Variants in KLHL13 observed in about 807,000 individuals in gnomAD.
The protein encoded by KLHL13 is kelch-like protein 13.
Under a neutral mutation model 37.1 loss-of-function variants are expected in KLHL13, and 10 were observed. That is an observed-to-expected ratio of 0.27 (90% confidence interval 0.17 to 0.46). The LOEUF is 0.46. Among genes scored for constraint, KLHL13 ranks in the 20% least tolerant of loss-of-function variants. The pLI, the probability that KLHL13 is intolerant of heterozygous loss-of-function variation, is 1.00. For synonymous variants in KLHL13, 163 were observed against 181.2 expected (o/e 0.90, Z 0.81); for missense variants, 360 against 509.3 (o/e 0.71, Z 2.82).
At chrX:118,046,285 G>C (rs2054558875) in intron 1 of KLHL13, among the ~76,000 whole-genome samples, 1 of 111,985 alleles carries the variant, frequency 8.9e-6, no homozygotes, top group Non-Finnish European at 1.9e-5. Context: ...AATAAGCCAG[G>C]CACAGAAAGA....
chrX:117,974,710 T>C (rs1391057147), upstream of KLHL13, among the ~76,000 whole-genome samples: 2 of 111,864 alleles, frequency 1.8e-5, no homozygotes, highest in Non-Finnish European at 3.8e-5. Context: ...AACATATATG[T>C]ACATGCAGTA....
chrX:118,026,242 C>A (rs188654953), intron 1 of KLHL13, among the ~76,000 whole-genome samples: 1 of 111,714 alleles, frequency 9.0e-6, no homozygotes, highest in Non-Finnish European at 1.9e-5. Context: ...AACACAAATA[C>A]TACATTTTCA....
intron 1 of KLHL13, among the ~76,000 whole-genome samples, chrX:118,069,149 C>CACACACACACACA (rs1569308000): frequency 1.2e-5 from 1 of 80,896 alleles, no homozygotes; most frequent in African/African-American, 7.4e-5. Flanking sequence ...ACACACACAC[C>CACACACACACACA]CTCACCTGAA....
intron 1 of KLHL13, among the ~76,000 whole-genome samples, chrX:118,033,480 C>T (rs776979751): frequency 6.2e-4 from 68 of 110,169 alleles, no homozygotes; most frequent in African/African-American, 1.9e-3. Context: ...ATTTCATATC[C>T]GGCCAAACTA....
intron 1 of KLHL13, among the ~76,000 whole-genome samples, chrX:118,094,201 T>C (rs904727285): frequency 3.6e-5 from 4 of 110,686 alleles, no homozygotes; most frequent in Non-Finnish European, 7.6e-5. Flanking sequence ...TTAAAGGACC[T>C]GATGGAGCTG....
At chrX:118,090,458 G>C (rs1316687956) in intron 1 of KLHL13, among the ~76,000 whole-genome samples, 1 of 111,816 alleles carries the variant, frequency 8.9e-6, no homozygotes, top group Non-Finnish European at 1.9e-5. Flanking sequence ...CCATCAAAAA[G>C]TGGGTGAAGG....
chrX:117,908,636 C>T (rs1930751077), intron 5 of KLHL13, among the ~76,000 whole-genome samples: 1 of 111,522 alleles, frequency 9.0e-6, no homozygotes, highest in South Asian at 3.7e-4. Flanking sequence ...AAGTATTCTA[C>T]ATCAAAGTAC....
intron 1 of KLHL13, among the ~76,000 whole-genome samples, chrX:117,952,354 G>T (rs1328337231): frequency 1.3e-4 from 14 of 110,136 alleles, no homozygotes; most frequent in South Asian, 3.9e-4. Flanking sequence ...TAGCCATATG[G>T]AGAAAGCTGA....
intron 5 of KLHL13, among the ~76,000 whole-genome samples, chrX:117,905,190 G>A (rs1412505681): frequency 9.0e-6 from 1 of 111,183 alleles, no homozygotes; most frequent in African/African-American, 3.3e-5. Context: ...TATTGTGCAT[G>A]TATTTGAAAA....
chrX:118,064,074 C>T (rs980803141), intron 1 of KLHL13, among the ~76,000 whole-genome samples: 11 of 111,583 alleles, frequency 9.9e-5, no homozygotes, highest in Admixed American at 2.9e-4. Flanking sequence ...CCATCATTAA[C>T]TCACAGGTAA....
At chrX:118,033,502 T>C (rs1283051191) in intron 1 of KLHL13, among the ~76,000 whole-genome samples, 3 of 108,601 alleles carry the variant, frequency 2.8e-5, no homozygotes, top group Non-Finnish European at 5.8e-5. Context: ...GCTTCATAAG[T>C]GAAGGAGAAA....
chrX:118,031,544 TTA>T (rs753781130), intron 1 of KLHL13, among the ~76,000 whole-genome samples: 4 of 91,038 alleles, frequency 4.4e-5, no homozygotes, highest in East Asian at 6.0e-4. Flanking sequence ...TATATATTAG[TTA>T]TATATATATT....
At chrX:118,087,783 AG>A (rs2055072325) in intron 1 of KLHL13, among the ~76,000 whole-genome samples, 1 of 111,496 alleles carries the variant, frequency 9.0e-6, no homozygotes, top group South Asian at 3.8e-4. Context: ...GGCAGCTTCT[AG>A]GTCTGATTCT....
At chrX:118,113,539 T>A (rs2055435919) in intron 1 of KLHL13, among the ~76,000 whole-genome samples, 1 of 112,117 alleles carries the variant, frequency 8.9e-6, no homozygotes, top group South Asian at 3.7e-4. Flanking sequence ...TTTTCCCCCC[T>A]CAAGGCCTTG....
intron 1 of KLHL13, among the ~76,000 whole-genome samples, chrX:117,956,997 T>C (rs1255188968): frequency 8.9e-6 from 1 of 112,290 alleles, no homozygotes; most frequent in East Asian, 2.8e-4. Context: ...ATCCTGATAT[T>C]ATACATTCAA....
chrX:118,096,386 T>G (rs185763638), intron 1 of KLHL13, among the ~76,000 whole-genome samples: 5,530 of 111,523 alleles, frequency 0.05, 149 homozygotes, highest in Middle Eastern at 0.13. Context: ...CAGGAAGAAG[T>G]TGAATCTCTG....
chrX:117,941,667 G>T (rs1602575852), intron 2 of KLHL13, among the ~76,000 whole-genome samples: 1 of 111,577 alleles, frequency 9.0e-6, no homozygotes, highest in East Asian at 2.8e-4. Context: ...CTTTCTGTGG[G>T]ATCAGTGGTG....
intron 2 of KLHL13, among the ~76,000 whole-genome samples, chrX:117,945,066 C>T (rs752958213): frequency 2.6e-4 from 29 of 111,042 alleles, no homozygotes; most frequent in African/African-American, 6.9e-4. Context: ...GTAATACTTA[C>T]TTTGATTGCT....
chrX:117,899,064 C>A (rs761440163), exon 7 of KLHL13: 20 of 1,209,575 alleles, frequency 1.7e-5, no homozygotes, highest in Non-Finnish European at 2.2e-5. Flanking sequence ...TCTGCACTAT[C>A]TCTACCATAC....
Sources: gnomAD v4.1 joint callset for allele counts (sites outside exome capture counted in the v4.1 genomes callset) on GRCh38, gnomAD v4.1.1 for gene constraint, MANE v1.5 for transcripts, NCBI Gene and HGNC (gene_info 2026-07-23, HGNC 2026-07-21) for gene names.